The following ZFAND3 variants were observed in gnomAD, a reference collection of about 807,000 sequenced individuals.
The protein encoded by ZFAND3 is AN1-type zinc finger protein 3.
Under a neutral mutation model 29.6 loss-of-function variants are expected in ZFAND3, and 10 were observed. The ratio of observed to expected loss-of-function variants is 0.34; its 90% confidence interval spans 0.21 to 0.57. ZFAND3 has a LOEUF of 0.57. Among genes scored for constraint, ZFAND3 ranks in the 20% least tolerant of loss-of-function variants. The pLI, the probability that ZFAND3 is intolerant of heterozygous loss-of-function variation, is 0.86. For missense variants in ZFAND3, 230 were observed against 304.5 expected (o/e 0.76, Z 1.82); for synonymous variants, 128 against 112.6 (o/e 1.14, Z -0.87).
At chr6:38,109,902 G>A (rs1765281506) in intron 4 of ZFAND3, among the ~76,000 whole-genome samples, 2 of 152,080 alleles carry the variant, frequency 1.3e-5, no homozygotes, top group Non-Finnish European at 2.9e-5. Context: ...TTCTGATGCC[G>A]TATGTTTTTT....
In ZFAND3 at chr6:38,145,150, A is replaced by G. The variant is rs184432135; in HGVS notation, c.530-7085A>G. On this transcript the variant is annotated intron_variant, in intron 5 of 5. Transcript: ENST00000287218. ...CTGCCCTCCAGCTCCTGCTCCACCC[A>G]CCTCTCCAGACCCCTTACAGTAGCC... is the stretch of plus-strand genomic sequence containing the variant. Among the ~76,000 whole-genome samples, 394 of 151,828 alleles carry G rather than the reference A, an allele frequency of 2.6e-3. 2 individuals are homozygous for G. The highest frequency in any genetic ancestry group is 3.2e-3 in the Non-Finnish European group (215 of 67,888).
intron 1 of ZFAND3, among the ~76,000 whole-genome samples, chr6:37,854,255 T>A (rs1764336321): frequency 6.6e-6 from 1 of 152,182 alleles, no homozygotes; most frequent in South Asian, 2.1e-4. Context: ...CCGGCTTGCC[T>A]TTCTTTTTAG....
At chr6:38,043,334 TA>T (rs1057229082) in intron 2 of ZFAND3, among the ~76,000 whole-genome samples, 217 of 143,748 alleles carry the variant, frequency 1.5e-3, no homozygotes, top group Non-Finnish European at 1.2e-3. Context: ...GATTTTAGGT[TA>T]AAAAAAAAAA....
intron 3 of ZFAND3, among the ~76,000 whole-genome samples, chr6:38,072,241 T>A (rs1466155084): frequency 6.6e-6 from 1 of 152,220 alleles, no homozygotes; most frequent in Non-Finnish European, 1.5e-5. Context: ...ATTTATCACC[T>A]AAATTTCCCT....
chr6:37,959,789 A>G (rs138913823), intron 2 of ZFAND3, among the ~76,000 whole-genome samples: 1 of 152,216 alleles, frequency 6.6e-6, no homozygotes, highest in Non-Finnish European at 1.5e-5. Flanking sequence ...AATTAAGACT[A>G]AATAGAGGCT....
intron 2 of ZFAND3, among the ~76,000 whole-genome samples, chr6:38,003,980 C>A (rs190041895): frequency 1.2e-3 from 179 of 152,182 alleles, no homozygotes; most frequent in Non-Finnish European, 1.2e-3. Flanking sequence ...AGGGGCAATT[C>A]TTCTTTTTCT....
intron 2 of ZFAND3, 76 bp from the exon 3 acceptor site, chr6:38,061,517 G>T (rs1485788714): frequency 6.5e-7 from 1 of 1,547,814 alleles, no homozygotes; most frequent in Non-Finnish European, 8.8e-7. Flanking sequence ...TTTAATTTTT[G>T]TACCAACTTC....
rs80000670 is a variant in ZFAND3, at chr6:37,968,371, TAGAG to T, written c.112+38375_112+38378del. ...TATGCATTTAGTAAGCCAAACAAGATAGAGAGGTGGGTTAGCGAATACTAGATGC... is the reference window on the plus strand; with the variant it reads ...TATGCATTTAGTAAGCCAAACAAGATAGGTGGGTTAGCGAATACTAGATGC... On this transcript the variant is annotated intron_variant, in intron 2 of 5. Transcript: ENST00000287218. 0.017 allele frequency among the ~76,000 whole-genome samples: 2,532 copies of T among 151,204 alleles called. 243 individuals carry two copies. The East Asian group carries it at 0.28, about 17-fold the overall frequency.
chr6:37,820,848 G>C (rs1440337718), intron 1 of ZFAND3, among the ~76,000 whole-genome samples: 2 of 152,186 alleles, frequency 1.3e-5, no homozygotes, highest in South Asian at 2.1e-4. Flanking sequence ...TGGGAAATCA[G>C]CTCCTCTTCC....
chr6:37,828,840 C>T lies in ZFAND3; in HGVS notation c.71+8824C>T, dbSNP rs181071932. 6.1e-3 allele frequency among the ~76,000 whole-genome samples: 923 copies of T among 151,948 alleles called. 4 individuals are homozygous for T. Among genetic ancestry groups the T allele is most frequent in the Admixed American group, 7.7e-3 (118 of 15,266 alleles). The stretch of plus-strand genomic sequence containing the variant: ...TAATTTTTTGTATTTTTAGTAGAGA[C>T]GGGGTTTCACCGTGTTAGCCAGGAT... On this transcript the variant is annotated intron_variant, in intron 1 of 5. Transcript: ENST00000287218.
intron 1 of ZFAND3, among the ~76,000 whole-genome samples, chr6:37,850,974 G>C (rs1253653822): frequency 6.7e-6 from 1 of 150,326 alleles, no homozygotes. Context: ...TATCTGTCTT[G>C]TCTCTCCCTC....
chr6:38,059,287 C>G (rs1764190892), intron 2 of ZFAND3, among the ~76,000 whole-genome samples: 1 of 152,064 alleles, frequency 6.6e-6, no homozygotes, highest in Non-Finnish European at 1.5e-5. Context: ...ATTCATGTAT[C>G]CATAAACAAT....
intron 3 of ZFAND3, among the ~76,000 whole-genome samples, chr6:38,064,124 C>A (rs963944199): frequency 1.3e-5 from 2 of 152,134 alleles, no homozygotes; most frequent in African/African-American, 4.8e-5. Flanking sequence ...CATAAAATTT[C>A]TCTACAGCTT....
intron 1 of ZFAND3, among the ~76,000 whole-genome samples, chr6:37,923,708 A>G (rs1012711834): frequency 6.6e-6 from 1 of 152,176 alleles, no homozygotes; most frequent in Non-Finnish European, 1.5e-5. Context: ...CACTACAGCT[A>G]TGATGCCATT....
intron 4 of ZFAND3, among the ~76,000 whole-genome samples, chr6:38,114,836 A>G (rs9470783): frequency 0.033 from 4,982 of 152,306 alleles, 221 homozygotes; most frequent in African/African-American, 0.096. Flanking sequence ...ATTCATTCAA[A>G]AAATATTTAT....
chr6:38,002,103 A>T (rs564995002), intron 2 of ZFAND3, among the ~76,000 whole-genome samples: 2 of 152,284 alleles, frequency 1.3e-5, no homozygotes, highest in African/African-American at 4.8e-5. Context: ...TACTCAAGAG[A>T]TGTTGTTTTC....
chr6:37,880,861 T>G (rs1581730741), intron 1 of ZFAND3, among the ~76,000 whole-genome samples: 1 of 91,264 alleles, frequency 1.1e-5, no homozygotes, highest in Non-Finnish European at 2.0e-5. Context: ...GGGACTGTGG[T>G]GGGGTCGGGG....
intron 2 of ZFAND3, among the ~76,000 whole-genome samples, chr6:37,950,544 A>G (rs1202067034): frequency 6.6e-6 from 1 of 151,514 alleles, no homozygotes. Flanking sequence ...TGCCTGGCTA[A>G]TTTTTTTGTA....
At chr6:38,046,885 C>G (rs1763913941) in intron 2 of ZFAND3, among the ~76,000 whole-genome samples, 1 of 152,012 alleles carries the variant, frequency 6.6e-6, no homozygotes, top group African/African-American at 2.4e-5. Context: ...TTTATTAACG[C>G]TATTACAGAA....
Sources: gnomAD v4.1 joint callset for allele counts (sites outside exome capture counted in the v4.1 genomes callset) on GRCh38, gnomAD v4.1.1 for gene constraint, MANE v1.5 for transcripts, NCBI Gene and HGNC (gene_info 2026-07-23, HGNC 2026-07-21) for gene names.